MVB12B: variants seen among roughly 807,000 people sequenced by gnomAD.
The protein encoded by MVB12B is ESCRT-I complex subunit MVB12B.
In MVB12B, 16 loss-of-function variants were observed where a neutral mutation model predicts 41.6. The observed-to-expected ratio is 0.38, with a 90% CI of 0.26 to 0.58. MVB12B has a LOEUF of 0.58. Ranked by LOEUF, MVB12B falls within the 20% of genes least tolerant of loss-of-function variation. The pLI is 0.62. For missense variants in MVB12B, 274 were observed against 380.2 expected (o/e 0.72, Z 2.32); for synonymous variants, 133 against 139.7 (o/e 0.95, Z 0.34).
In MVB12B at chr9:126,478,063, T is replaced by G. The variant is rs550281021; in HGVS notation, c.758-3306T>G. 6.6e-6 allele frequency among the ~76,000 whole-genome samples: 1 copy of G among 152,236 alleles called. No homozygotes were observed. Among genetic ancestry groups the G allele is most frequent in the South Asian group, 2.1e-4 (1 of 4,832 alleles). Reference sequence around the variant, plus strand: ...GGTGAGGGGTTTGGCTTTGGAGCGATGGAAATATTTTGGAACTAGATGGAG... The same window carrying G: ...GGTGAGGGGTTTGGCTTTGGAGCGAGGGAAATATTTTGGAACTAGATGGAG... On this transcript the variant is annotated intron_variant, in intron 7 of 9. Transcript: ENST00000361171. This position sits in a 1 kb window ranked among gnomAD's most constrained non-coding sequence, Gnocchi z 4.2.
chr9:126,453,773 TCA>T (rs560209593), intron 7 of MVB12B, among the ~76,000 whole-genome samples: 50 of 152,202 alleles, frequency 3.3e-4, no homozygotes, highest in Non-Finnish European at 6.8e-4. Context: ...ACACACAGCC[TCA>T]CATGCATATG....
At chr9:126,342,885 A>G (rs1300689529) in intron 2 of MVB12B, among the ~76,000 whole-genome samples, 2 of 152,234 alleles carry the variant, frequency 1.3e-5, no homozygotes, top group African/African-American at 4.8e-5. Context: ...GAACTCCAGC[A>G]GATGAGGAAG....
intron 6 of MVB12B, among the ~76,000 whole-genome samples, chr9:126,410,036 A>G (rs1831585245): frequency 6.6e-6 from 1 of 152,206 alleles, no homozygotes; most frequent in Non-Finnish European, 1.5e-5. Context: ...GTCAAGCTGC[A>G]CGTACTTTAT....
chr9:126,354,363 T>TTTTC (rs1161224702), intron 2 of MVB12B, among the ~76,000 whole-genome samples: 6 of 152,238 alleles, frequency 3.9e-5, no homozygotes, highest in African/African-American at 1.2e-4. Flanking sequence ...CTGTCAATCT[T>TTTTC]TTTCTTTCTT....
chr9:126,378,046 A>G (rs545836635), intron 2 of MVB12B, among the ~76,000 whole-genome samples: 37 of 152,228 alleles, frequency 2.4e-4, no homozygotes, highest in Non-Finnish European at 4.9e-4. Context: ...GGTTTAAGCT[A>G]TTGGGCCTCA....
intron 7 of MVB12B, among the ~76,000 whole-genome samples, chr9:126,467,101 T>C (rs1833217188): frequency 6.6e-6 from 1 of 152,272 alleles, no homozygotes; most frequent in East Asian, 1.9e-4. Context: ...GCCAAAGTGC[T>C]GGAATTACAG....
At chr9:126,434,403 T>G (rs1832415201) in intron 7 of MVB12B, among the ~76,000 whole-genome samples, 1 of 152,178 alleles carries the variant, frequency 6.6e-6, no homozygotes, top group Non-Finnish European at 1.5e-5. Context: ...AGATCCTTTG[T>G]TAGAGAGCAG....
chr9:126,353,903 C>T (rs2118868342), intron 2 of MVB12B, among the ~76,000 whole-genome samples: 1 of 152,290 alleles, frequency 6.6e-6, no homozygotes, highest in East Asian at 1.9e-4. Context: ...TTTTAAATTT[C>T]AGTAATTACT....
At chr9:126,422,843 G>A (rs144699182) in intron 7 of MVB12B, among the ~76,000 whole-genome samples, 12 of 152,106 alleles carry the variant, frequency 7.9e-5, no homozygotes, top group Non-Finnish European at 1.2e-4. Flanking sequence ...AGTTTTTCTC[G>A]TTATGATCAC....
intron 7 of MVB12B, among the ~76,000 whole-genome samples, chr9:126,457,089 G>A (rs1832999187): frequency 6.6e-6 from 1 of 152,116 alleles, no homozygotes; most frequent in Non-Finnish European, 1.5e-5. Flanking sequence ...CACATCGCAT[G>A]TGTGGCAGGC....
intron 9 of MVB12B, among the ~76,000 whole-genome samples, chr9:126,495,429 C>T (rs565934835): frequency 1.3e-5 from 2 of 152,314 alleles, no homozygotes; most frequent in African/African-American, 4.8e-5. Context: ...TGTGCTTTCT[C>T]CCATTTTTGT....
chr9:126,345,006 T>C (rs568487719), intron 2 of MVB12B, among the ~76,000 whole-genome samples: 39 of 152,332 alleles, frequency 2.6e-4, no homozygotes, highest in Middle Eastern at 3.4e-3. Context: ...CACATGAACA[T>C]TGGGGGCACA....
At chr9:126,350,766 A>G (rs1829723332) in intron 2 of MVB12B, among the ~76,000 whole-genome samples, 1 of 152,212 alleles carries the variant, frequency 6.6e-6, no homozygotes, top group Non-Finnish European at 1.5e-5. Context: ...TACTGCTACA[A>G]TGGGGATTAA....
chr9:126,357,555 A>G (rs1402814271), intron 2 of MVB12B, among the ~76,000 whole-genome samples: 1 of 150,076 alleles, frequency 6.7e-6, no homozygotes, highest in Non-Finnish European at 1.5e-5. Context: ...GTGGATGTGT[A>G]TTTGTTTATG....
chr9:126,464,407 G>T (rs1833157190), intron 7 of MVB12B, among the ~76,000 whole-genome samples: 1 of 152,180 alleles, frequency 6.6e-6, no homozygotes, highest in South Asian at 2.1e-4. Flanking sequence ...TGGCAGGGAG[G>T]AGAGAGCAGC....
In MVB12B at chr9:126,459,915, C is replaced by T. The variant is rs1833054539; in HGVS notation, c.758-21454C>T. 6.6e-6 allele frequency among the ~76,000 whole-genome samples: 1 copy of T among 152,164 alleles called. No homozygotes were observed. The highest frequency in any genetic ancestry group is 2.4e-5 in the African/African-American group (1 of 41,440). On this transcript the variant is annotated intron_variant, in intron 7 of 9. Coordinates refer to ENST00000361171, the MANE Select transcript of MVB12B (RefSeq NM_033446.3). This position sits in a 1 kb window ranked among gnomAD's most constrained non-coding sequence, Gnocchi z 4.3. ...TCACAGGCGGGTTTCATGAGTGGAGCCGCTCTTGTTGGGAAGCAGCTTCCC... is the reference window on the plus strand; with the variant it reads ...TCACAGGCGGGTTTCATGAGTGGAGTCGCTCTTGTTGGGAAGCAGCTTCCC...
At chr9:126,421,821 T>G (rs1285940772) in intron 6 of MVB12B, 33 bp from the exon 7 acceptor site, 1 of 1,535,070 alleles carries the variant, frequency 6.5e-7, no homozygotes, top group African/African-American at 1.4e-5. Flanking sequence ...ATGCTCCTTG[T>G]AATCTCCTTT....
At chr9:126,442,580 A>G (rs185172189) in intron 7 of MVB12B, among the ~76,000 whole-genome samples, 1 of 152,280 alleles carries the variant, frequency 6.6e-6, no homozygotes, top group Non-Finnish European at 1.5e-5. Flanking sequence ...CTTGAGTGAC[A>G]TATATCACCA....
At chr9:126,461,238 A>G (rs1159691653) in intron 7 of MVB12B, among the ~76,000 whole-genome samples, 1 of 152,174 alleles carries the variant, frequency 6.6e-6, no homozygotes, top group African/African-American at 2.4e-5. Flanking sequence ...CACCCCCACA[A>G]CCGCCGAAGG....
Sources: allele counts gnomAD v4.1 joint callset (sites outside exome capture counted in the v4.1 genomes callset), GRCh38; gene constraint gnomAD v4.1.1; non-coding constraint Gnocchi (gnomAD v3.1); transcripts MANE v1.5; gene names NCBI Gene and HGNC (gene_info 2026-07-23, HGNC 2026-07-21).